ATP11A: variants seen among roughly 807,000 people sequenced by gnomAD.
ATP11A encodes ATPase phospholipid transporting 11A.
ATP11A carries 81 observed loss-of-function variants against 154.4 expected under a neutral mutation model. That is an observed-to-expected ratio of 0.52 (90% confidence interval 0.44 to 0.63). The LOEUF is 0.63. Among genes scored for constraint, ATP11A ranks in the 30% least tolerant of loss-of-function variants. The pLI is 0.00. For synonymous variants in ATP11A, 623 were observed against 585.9 expected (o/e 1.06, Z -0.91); for missense variants, 1,316 against 1,474.3 (o/e 0.89, Z 1.76).
chr13:112,816,358 A>G (rs2078645919), intron 6 of ATP11A, 147 bp downstream of exon 6: 5 of 1,019,584 alleles, frequency 4.9e-6, no homozygotes, highest in Non-Finnish European at 7.0e-6. Flanking sequence ...GTTTTTCCTC[A>G]CTTTTCCTTC....
chr13:112,730,857 G>A (rs1282675255), intron 1 of ATP11A, among the ~76,000 whole-genome samples: 1 of 152,238 alleles, frequency 6.6e-6, no homozygotes, highest in Non-Finnish European at 1.5e-5. Flanking sequence ...ACGGCAGCAG[G>A]TCGGTGGCAG....
At chr13:112,758,138 T>G (rs1208356236) in intron 1 of ATP11A, among the ~76,000 whole-genome samples, 1 of 152,224 alleles carries the variant, frequency 6.6e-6, no homozygotes, top group African/African-American at 2.4e-5. Flanking sequence ...CTCGGCTCAT[T>G]GCAACCTACA....
chr13:112,870,944 G>A (rs893454161), intron 25 of ATP11A, among the ~76,000 whole-genome samples: 3 of 152,212 alleles, frequency 2.0e-5, no homozygotes, highest in Admixed American at 1.3e-4. Context: ...TCTGTGCTGC[G>A]TTGCCAGCTG....
intron 25 of ATP11A, among the ~76,000 whole-genome samples, chr13:112,869,449 C>A (rs1239832118): frequency 7.9e-5 from 12 of 152,214 alleles, no homozygotes; most frequent in Non-Finnish European, 1.6e-4. Context: ...CGGCTCACAG[C>A]AGGGAGAGGG....
Position 112,719,159 on chromosome 13 carries a change from C to T in ATP11A, c.39+28704C>T, listed in dbSNP as rs553417470. Among the ~76,000 whole-genome samples, 4 of 151,880 alleles carry T rather than the reference C, an allele frequency of 2.6e-5. No homozygotes were observed. In the East Asian group the frequency reaches 7.7e-4, roughly 29 times the overall value. ...GGCCCTCAGGATGCCCTGTGACGCGCAGGTGTGACTTTGAATCGCGTCAAA... is the reference window on the plus strand; with the variant it reads ...GGCCCTCAGGATGCCCTGTGACGCGTAGGTGTGACTTTGAATCGCGTCAAA... On this transcript the variant is annotated intron_variant, in intron 1 of 29. Transcript: ENST00000375645.
In ATP11A at chr13:112,822,028, A is replaced by G. The variant is rs146071237; in HGVS notation, c.726-1317A>G. Among the ~76,000 whole-genome samples, 909 of 152,296 alleles carry G rather than the reference A, an allele frequency of 6.0e-3. 12 individuals carry two copies. Among genetic ancestry groups the G allele is most frequent in the African/African-American group, 0.021 (861 of 41,556 alleles). The stretch of plus-strand genomic sequence containing the variant: ...ACTCTGCCTGTCTTCAGCCGGATGC[A>G]GTTCTGAGGTCTATCGACCAAATAT... On this transcript the variant is annotated intron_variant, in intron 8 of 29. Coordinates refer to ENST00000375645, the MANE Select transcript of ATP11A (RefSeq NM_015205.3).
chr13:112,842,215 T>C, intron 16 of ATP11A, 61 bp from the exon 17 acceptor site: 1 of 1,345,882 alleles, frequency 7.4e-7, no homozygotes, highest in East Asian at 2.5e-5. Context: ...GGCATAATTT[T>C]AAAAAATAAT....
Position 112,735,963 on chromosome 13 carries a change from C to G in ATP11A, c.39+45508C>G, listed in dbSNP as rs1238080487. ...GCCGGGCCACCTCCCGCACCTCCGTCTGCACATGCCCAGAGCCTATGCAGA... is the reference window on the plus strand; with the variant it reads ...GCCGGGCCACCTCCCGCACCTCCGTGTGCACATGCCCAGAGCCTATGCAGA... On this transcript the variant is annotated intron_variant, in intron 1 of 29. Coordinates refer to ENST00000375645, the MANE Select transcript of ATP11A (RefSeq NM_015205.3). Among the ~76,000 whole-genome samples the G allele has an allele frequency of 7.9e-5, 12 of 152,160 alleles. No individual in the cohort carries two copies. The South Asian group carries it at 2.3e-3, about 29-fold the overall frequency.
chr13:112,848,429 T>G (rs1306147413), intron 17 of ATP11A, among the ~76,000 whole-genome samples: 3 of 152,206 alleles, frequency 2.0e-5, no homozygotes, highest in African/African-American at 7.2e-5. Flanking sequence ...ACCCTGTGTC[T>G]TTGCTGAATT....
chr13:112,809,314 T>G (rs1405338650), intron 4 of ATP11A, among the ~76,000 whole-genome samples: 1 of 152,186 alleles, frequency 6.6e-6, no homozygotes, highest in Non-Finnish European at 1.5e-5. Context: ...TGGAGAAAGC[T>G]CGCACGTTTG....
At chr13:112,711,992 C>G (rs1006595495) in intron 1 of ATP11A, among the ~76,000 whole-genome samples, 1 of 152,206 alleles carries the variant, frequency 6.6e-6, no homozygotes, top group Non-Finnish European at 1.5e-5. Context: ...GCCCTGTTGT[C>G]TGGGTAGCAA....
intron 25 of ATP11A, among the ~76,000 whole-genome samples, chr13:112,869,777 G>C (rs917050382): frequency 7.2e-5 from 11 of 152,252 alleles, no homozygotes; most frequent in African/African-American, 4.8e-5. Flanking sequence ...GCACCTTGCT[G>C]GCCACATGTG....
chr13:112,881,084 G>C lies in ATP11A; in HGVS notation c.*10-792G>C, dbSNP rs1030524688. ...TTCTGTGTGCCAGCCGGAGCACATA[G>C]CTTGTCGCCTCTCCAACAGACATGG... On this transcript the variant is annotated intron_variant, in intron 29 of 29. Coordinates refer to ENST00000375645, the MANE Select transcript of ATP11A (RefSeq NM_015205.3). The C allele has an allele frequency of 2.1e-5, 21 of 987,310 alleles. No individual in the cohort carries two copies. The African/African-American group carries it at 3.7e-4, about 17-fold the overall frequency. The allele number at this position is 987,310 out of a possible 1,614,324, so 61.2% of individuals were successfully genotyped here.
chr13:112,714,711 G>A (rs571863097), intron 1 of ATP11A, among the ~76,000 whole-genome samples: 50 of 152,322 alleles, frequency 3.3e-4, no homozygotes, highest in African/African-American at 1.1e-3. Flanking sequence ...TGAGAGCACC[G>A]AGAGCCCCTT....
At chr13:112,801,417 G>A (rs1473328346) in intron 2 of ATP11A, among the ~76,000 whole-genome samples, 1 of 152,072 alleles carries the variant, frequency 6.6e-6, no homozygotes, top group Non-Finnish European at 1.5e-5. Context: ...TTCTTATGCA[G>A]CATTGTACTG....
At chr13:112,799,393 C>T (rs577939229) in intron 2 of ATP11A, among the ~76,000 whole-genome samples, 2 of 152,082 alleles carry the variant, frequency 1.3e-5, no homozygotes, top group South Asian at 2.1e-4. Context: ...GGGCTGAGTC[C>T]GAGAAAGGAG....
At chr13:112,852,497 G>C (rs747303932) in intron 18 of ATP11A, among the ~76,000 whole-genome samples, 1 of 152,228 alleles carries the variant, frequency 6.6e-6, no homozygotes, top group African/African-American at 2.4e-5. Context: ...CGACTTGCAC[G>C]TGGGAAGGCT....
In ATP11A at chr13:112,709,077, C is replaced by G. The variant is rs563842174; in HGVS notation, c.39+18622C>G. On this transcript the variant is annotated intron_variant, in intron 1 of 29. Transcript: ENST00000375645. The stretch of plus-strand genomic sequence containing the variant: ...GGAGGGGGAATTGGGTGTCCCCAGC[C>G]AGCCTGTCTCAGGGGCCCATGTGGG... Among the ~76,000 whole-genome samples, 3 of 152,224 alleles carry G rather than the reference C, an allele frequency of 2.0e-5. No individual in the cohort carries two copies. The South Asian group carries it at 6.2e-4, about 32-fold the overall frequency.
chr13:112,844,114 G>A (rs925615136), intron 17 of ATP11A, among the ~76,000 whole-genome samples: 7 of 152,158 alleles, frequency 4.6e-5, no homozygotes, highest in African/African-American at 1.2e-4. Context: ...TTCCAATAGC[G>A]CGAGGCTGTG....
Sources: allele counts gnomAD v4.1 joint callset (sites outside exome capture counted in the v4.1 genomes callset), GRCh38; gene constraint gnomAD v4.1.1; transcripts MANE v1.5; gene names NCBI Gene and HGNC (gene_info 2026-07-23, HGNC 2026-07-21).